TVP23A: variants seen among roughly 807,000 people sequenced by gnomAD.
TVP23A encodes Golgi apparatus membrane protein TVP23 homolog A.
Under a neutral mutation model 31.7 loss-of-function variants are expected in TVP23A, and 21 were observed. The observed-to-expected ratio is 0.66, with a 90% confidence interval of 0.47 to 0.95. The LOEUF (loss-of-function observed/expected upper bound fraction) is 0.95. TVP23A is among the 40% of genes least tolerant of loss of function. The pLI, the probability that TVP23A is intolerant of heterozygous loss-of-function variation, is 0.00. For missense variants in TVP23A, 279 were observed against 255.6 expected, an observed-to-expected ratio of 1.09 and a Z score of -0.62; for synonymous variants, 104 against 96.0, an observed-to-expected ratio of 1.08 and a Z score of -0.49.
downstream of TVP23A, chr16:10,762,196 A>C (rs1168984148): frequency 4.9e-6 from 1 of 203,846 alleles, no homozygotes; most frequent in Non-Finnish European, 1.0e-5. Flanking sequence ...TCCAGGTTAC[A>C]GAGGAAGGCG....
chr16:10,805,899 C>T (rs1216129223), intron 2 of TVP23A, among the ~76,000 whole-genome samples: 7 of 151,924 alleles, frequency 4.6e-5, no homozygotes, highest in Non-Finnish European at 8.8e-5. Flanking sequence ...AAGAGGTGGG[C>T]GATCTGGAGT....
At chr16:10,761,843 C>T (rs1278038089), downstream of TVP23A, 3 of 1,613,804 alleles carry the variant, frequency 1.9e-6, no homozygotes, top group East Asian at 2.2e-5. Flanking sequence ...GCAGAGTGCC[C>T]CTGGATCCGC....
intron 4 of TVP23A, 151 bp downstream of exon 4, chr16:10,773,888 T>C: frequency 1.5e-6 from 1 of 650,436 alleles, no homozygotes; most frequent in Non-Finnish European, 2.6e-6. Flanking sequence ...GAGACACTTT[T>C]GCCACACCCA....
At chr16:10,775,586 C>T in intron 2 of TVP23A, 1 of 990,748 alleles carries the variant, frequency 1.0e-6, no homozygotes, top group Non-Finnish European at 1.2e-6. Context: ...AATGGCAGGT[C>T]TAACTCATCA....
chr16:10,774,785 AT>A (rs2031885113), intron 3 of TVP23A, among the ~76,000 whole-genome samples, 166 bp downstream of exon 3: 1 of 151,934 alleles, frequency 6.6e-6, no homozygotes, highest in Non-Finnish European at 1.5e-5. Flanking sequence ...TAATTTTTGT[AT>A]TTTTAGTAGA....
chr16:10,769,282 T>G, intron 7 of TVP23A, 181 bp from the exon 8 acceptor site: 1 of 582,018 alleles, frequency 1.7e-6, no homozygotes, highest in East Asian at 2.9e-5. Context: ...TGTACACTTT[T>G]CTTTAGAACA....
In TVP23A at chr16:10,818,091, A is replaced by T. The variant is rs1337354142; in HGVS notation, c.89+12T>A. ...TTGGGGAACGCCTGACCCAAGCTCC[A>T]TCCCAACACACCTGATCTTGGCTTT... On this transcript the variant is annotated intron_variant, in intron 2 of 7. Transcript: ENST00000299866. This position sits in a 1 kb window ranked among gnomAD's most constrained non-coding sequence, Gnocchi z 4.7. The T allele has an allele frequency of 3.7e-6, 6 of 1,603,654 alleles. No individual in the cohort carries two copies. In the African/African-American group the frequency reaches 8.0e-5, roughly 21 times the overall value.
intron 2 of TVP23A, among the ~76,000 whole-genome samples, chr16:10,784,984 C>A (rs2032658387): frequency 6.6e-6 from 1 of 151,784 alleles, no homozygotes; most frequent in South Asian, 2.1e-4. Flanking sequence ...GTAATCCCAG[C>A]TACCTGGGAA....
At chr16:10,778,583 T>C (rs1302801527) in intron 2 of TVP23A, among the ~76,000 whole-genome samples, 1 of 152,090 alleles carries the variant, frequency 6.6e-6, no homozygotes, top group Non-Finnish European at 1.5e-5. Flanking sequence ...CGCAAACATA[T>C]TTGTTATGTT....
intron 6 of TVP23A, 124 bp from the exon 7 acceptor site, chr16:10,770,455 T>A: frequency 2.8e-6 from 3 of 1,066,712 alleles, no homozygotes; most frequent in South Asian, 1.6e-5. Flanking sequence ...GCTTGATGTC[T>A]TGGCATAAAG....
Position 10,813,977 on chromosome 16 carries a change from C to T in TVP23A, c.89+4126G>A, listed in dbSNP as rs577621570. On this transcript the variant is annotated intron_variant, in intron 2 of 7. Coordinates refer to ENST00000299866, the MANE Select transcript of TVP23A (RefSeq NM_001079512.4). The stretch of plus-strand genomic sequence containing the variant: ...TCGCACCACTGCACTCCAGCCTGGG[C>T]AAAAAGAGTGAAACTCCATCTCAAA... Among the ~76,000 whole-genome samples the T allele has an allele frequency of 1.3e-4, 8 of 59,908 alleles. No individual in the cohort carries two copies. The South Asian group carries it at 3.9e-3, about 29-fold the overall frequency. The allele number at this position is 59,908 out of a possible 152,430, so 39.3% of individuals were successfully genotyped here.
At chr16:10,774,704 G>A (rs981892028) in intron 3 of TVP23A, among the ~76,000 whole-genome samples, 37 of 150,800 alleles carry the variant, frequency 2.5e-4, no homozygotes, top group Admixed American at 8.6e-4. Flanking sequence ...TCCGCCTCCC[G>A]GGTTCAAGTG....
downstream of TVP23A, among the ~76,000 whole-genome samples, chr16:10,762,662 G>A (rs554515139): frequency 1.6e-4 from 25 of 152,206 alleles, no homozygotes; most frequent in Non-Finnish European, 3.2e-4. Flanking sequence ...AGGGGAGGCC[G>A]GGATCCAGGA....
chr16:10,781,354 G>A (rs1221717855), intron 2 of TVP23A, among the ~76,000 whole-genome samples: 1 of 151,764 alleles, frequency 6.6e-6, no homozygotes, highest in African/African-American at 2.4e-5. Flanking sequence ...AAAAAGAAGA[G>A]GTGAGAAAAT....
downstream of TVP23A, among the ~76,000 whole-genome samples, chr16:10,762,592 C>T (rs1284064529): frequency 6.6e-6 from 1 of 152,122 alleles, no homozygotes; most frequent in East Asian, 1.9e-4. Flanking sequence ...TAGTGGGGCT[C>T]CTGCGGGGCG....
chr16:10,788,195 A>T (rs925965728), intron 2 of TVP23A, among the ~76,000 whole-genome samples: 5 of 152,116 alleles, frequency 3.3e-5, no homozygotes, highest in Admixed American at 6.5e-5. Flanking sequence ...CTGATTGGCA[A>T]TTGGTTGAGT....
chr16:10,812,029 A>C (rs2034228533), intron 2 of TVP23A, among the ~76,000 whole-genome samples: 1 of 152,128 alleles, frequency 6.6e-6, no homozygotes, highest in African/African-American at 2.4e-5. Flanking sequence ...AGAAAATATT[A>C]ATATACAGAA....
intron 2 of TVP23A, among the ~76,000 whole-genome samples, chr16:10,809,511 T>C (rs965336100): frequency 1.3e-5 from 2 of 152,256 alleles, no homozygotes; most frequent in African/African-American, 4.8e-5. Context: ...CCATAGTGCT[T>C]TGGCTCTCGC....
chr16:10,815,088 A>T (rs2034376465), intron 2 of TVP23A, among the ~76,000 whole-genome samples: 1 of 152,094 alleles, frequency 6.6e-6, no homozygotes, highest in Non-Finnish European at 1.5e-5. Context: ...TGCCTATCCC[A>T]GCGTTTAAAA....
Sources: gnomAD v4.1 joint callset for allele counts (sites outside exome capture counted in the v4.1 genomes callset) on GRCh38, gnomAD v4.1.1 for gene constraint, Gnocchi (gnomAD v3.1) non-coding constraint, MANE v1.5 for transcripts, NCBI Gene and HGNC (gene_info 2026-07-23, HGNC 2026-07-21) for gene names.